The following CYTH1 variants were observed in gnomAD, a reference collection of about 807,000 sequenced individuals.
The protein encoded by CYTH1 is cytohesin-1.
A neutral mutation model predicts 61.8 loss-of-function variants in CYTH1; 18 were observed. The ratio of observed to expected loss-of-function variants is 0.29; its 90% CI spans 0.20 to 0.43. The LOEUF (loss-of-function observed/expected upper bound fraction) is 0.43, where lower values mean the gene tolerates loss of function less well. Among genes scored for constraint, CYTH1 ranks in the 20% least tolerant of loss-of-function variants. The pLI is 1.00. For synonymous variants in CYTH1, 174 were observed against 184.3 expected, an observed-to-expected ratio of 0.94 and a Z score of 0.45; for missense variants, 336 against 510.5, an observed-to-expected ratio of 0.66 and a Z score of 3.29.
chr17:78,721,284 C>G (rs1004696464), intron 1 of CYTH1, among the ~76,000 whole-genome samples: 1 of 152,030 alleles, frequency 6.6e-6, no homozygotes, highest in African/African-American at 2.4e-5. Context: ...GAGCCGAGAT[C>G]GGGCCATTGC....
At chr17:78,766,832 G>C (rs1197644426) in intron 1 of CYTH1, among the ~76,000 whole-genome samples, 1 of 152,182 alleles carries the variant, frequency 6.6e-6, no homozygotes, top group Non-Finnish European at 1.5e-5. Context: ...AGGGGGGTGT[G>C]AATGAGCAGC....
intron 4 of CYTH1, 37 bp downstream of exon 4, chr17:78,702,501 T>C (rs369729878): frequency 2.3e-5 from 37 of 1,607,208 alleles, no homozygotes; most frequent in Non-Finnish European, 2.1e-5. Context: ...AAAAACCCCA[T>C]CTAATATGGA....
intron 11 of CYTH1, among the ~76,000 whole-genome samples, chr17:78,688,684 C>G (rs996981364): frequency 6.6e-6 from 1 of 152,202 alleles, no homozygotes; most frequent in Non-Finnish European, 1.5e-5. Context: ...ATAATTGCTT[C>G]TGTTCTTGAT....
chr17:78,711,912 C>G (rs1027570285), intron 1 of CYTH1, among the ~76,000 whole-genome samples: 1 of 151,580 alleles, frequency 6.6e-6, no homozygotes, highest in African/African-American at 2.4e-5. Context: ...CCTGTCTCTA[C>G]TAAAAAAAAT....
intron 11 of CYTH1, among the ~76,000 whole-genome samples, chr17:78,690,381 G>A (rs1338873057): frequency 5.9e-5 from 5 of 85,464 alleles, no homozygotes; most frequent in Admixed American, 1.8e-4. Context: ...GCAACAGAGC[G>A]AGACTCCATC....
intron 1 of CYTH1, among the ~76,000 whole-genome samples, chr17:78,744,785 A>G (rs16971679): frequency 0.053 from 7,990 of 151,520 alleles, 387 homozygotes; most frequent in South Asian, 0.15. Context: ...ACATACCTTC[A>G]TGACACAGAC....
At chr17:78,733,656 G>A (rs2093306332) in intron 1 of CYTH1, among the ~76,000 whole-genome samples, 1 of 152,250 alleles carries the variant, frequency 6.6e-6, no homozygotes, top group African/African-American at 2.4e-5. Flanking sequence ...AGTGCAGCAA[G>A]TACTCACAGA....
chr17:78,768,887 C>T (rs2144744423), intron 1 of CYTH1, among the ~76,000 whole-genome samples: 1 of 152,212 alleles, frequency 6.6e-6, no homozygotes, highest in African/African-American at 2.4e-5. Flanking sequence ...GGGCGCAGTG[C>T]CTCACACCAG....
rs547678488 is a variant in CYTH1 at position 78,744,094 on chromosome 17, G to A, written c.23-34362C>T. Among the ~76,000 whole-genome samples the A allele has an allele frequency of 5.9e-5, 9 of 152,232 alleles. No homozygotes were observed. In the East Asian group the frequency reaches 1.4e-3, roughly 23 times the overall value. ...CACAGTTAAATATACGGGCTTTTTCGGTGCTGCTTCTTGGTTGGTATTTTT... is the reference window on the plus strand; with the variant it reads ...CACAGTTAAATATACGGGCTTTTTCAGTGCTGCTTCTTGGTTGGTATTTTT... On this transcript the variant is annotated intron_variant, in intron 1 of 13. Transcript: ENST00000446868.
intron 10 of CYTH1, 22 bp from the exon 11 acceptor site, chr17:78,692,515 A>G (rs2092898508): frequency 1.2e-6 from 2 of 1,612,968 alleles, no homozygotes; most frequent in African/African-American, 1.3e-5. Context: ...AAAGAGATGC[A>G]CGTTCGACAA....
At chr17:78,714,108 G>A (rs2093160797) in intron 1 of CYTH1, among the ~76,000 whole-genome samples, 1 of 152,036 alleles carries the variant, frequency 6.6e-6, no homozygotes, top group African/African-American at 2.4e-5. Context: ...TGACCAACAA[G>A]GTGAAACCCC....
At chr17:78,676,944 T>C in intron 13 of CYTH1, 1 of 452,734 alleles carries the variant, frequency 2.2e-6, no homozygotes, top group South Asian at 1.6e-5. Flanking sequence ...TAAGTGATGA[T>C]TTGTTCCAGA....
chr17:78,693,063 C>T (rs1336402004), intron 10 of CYTH1, among the ~76,000 whole-genome samples: 1 of 152,194 alleles, frequency 6.6e-6, no homozygotes, highest in Non-Finnish European at 1.5e-5. Context: ...AGCTTCTACA[C>T]TGGCTCTTAA....
intron 3 of CYTH1, among the ~76,000 whole-genome samples, chr17:78,705,917 A>C (rs1397412929): frequency 6.6e-6 from 1 of 152,174 alleles, no homozygotes; most frequent in Non-Finnish European, 1.5e-5. Context: ...AGAATTAATC[A>C]AGAGAAAAAC....
chr17:78,694,772 A>G (rs192900233), intron 10 of CYTH1, among the ~76,000 whole-genome samples: 3 of 152,360 alleles, frequency 2.0e-5, no homozygotes, highest in Admixed American at 2.0e-4. Flanking sequence ...GAGAAAAAGC[A>G]AAGCCAGAAG....
intron 1 of CYTH1, among the ~76,000 whole-genome samples, chr17:78,762,613 G>A (rs1006704238): frequency 2.0e-5 from 3 of 152,172 alleles, no homozygotes; most frequent in South Asian, 4.1e-4. Context: ...ATTGCAGATG[G>A]AATTACATCT....
intron 1 of CYTH1, among the ~76,000 whole-genome samples, chr17:78,726,066 C>T (rs1273489030): frequency 6.9e-5 from 9 of 129,884 alleles, no homozygotes; most frequent in Admixed American, 6.7e-4. Context: ...TTTTTTGAGA[C>T]GGTGTCTTGC....
intron 10 of CYTH1, among the ~76,000 whole-genome samples, chr17:78,695,356 A>G (rs909745358): frequency 6.6e-6 from 1 of 152,202 alleles, no homozygotes; most frequent in East Asian, 1.9e-4. Flanking sequence ...CGAGGACTTC[A>G]GGGAGGGTTT....
intron 1 of CYTH1, among the ~76,000 whole-genome samples, chr17:78,710,469 T>C (rs2093117585): frequency 1.3e-5 from 2 of 152,264 alleles, no homozygotes; most frequent in East Asian, 1.9e-4. Flanking sequence ...CCCCCACCTA[T>C]ACCAACAGGA....
Sources: allele counts gnomAD v4.1 joint callset (sites outside exome capture counted in the v4.1 genomes callset), GRCh38; gene constraint gnomAD v4.1.1; transcripts MANE v1.5; gene names NCBI Gene and HGNC (gene_info 2026-07-23, HGNC 2026-07-21).